The following SMYD3 variants were observed in gnomAD, a reference collection of about 807,000 sequenced individuals.
SMYD3 encodes the protein SET and MYND domain containing 3, also known as histone-lysine N-methyltransferase SMYD3.
A neutral mutation model predicts 57.7 loss-of-function variants in SMYD3; 36 were observed. The observed-to-expected ratio is 0.62, with a 90% CI of 0.48 to 0.82. The LOEUF (loss-of-function observed/expected upper bound fraction) is 0.82. Among genes scored for constraint, SMYD3 ranks in the 40% least tolerant of loss-of-function variants. The pLI, the probability that SMYD3 is intolerant of heterozygous loss-of-function variation, is 0.00. For missense variants in SMYD3, 515 were observed against 538.8 expected (o/e 0.96, Z 0.44); for synonymous variants, 211 against 195.0 (o/e 1.08, Z -0.68).
rs554802708 is a variant in SMYD3 at position 245,771,365 on chromosome 1, G to A, written c.1077-7216C>T. 1.1e-4 allele frequency among the ~76,000 whole-genome samples: 16 copies of A among 152,224 alleles called. No individual in the cohort carries two copies. The East Asian group carries it at 2.1e-3, about 20-fold the overall frequency. ...AAAGTTCATATTATTCTATTTTTGTGTACATTTGAAAATTTTCATAATCAG... is the reference window on the plus strand; with the variant it reads ...AAAGTTCATATTATTCTATTTTTGTATACATTTGAAAATTTTCATAATCAG... On this transcript the variant is annotated intron_variant, in intron 10 of 11. Transcript: ENST00000490107.
intron 1 of SMYD3, among the ~76,000 whole-genome samples, chr1:246,446,326 A>C (rs2067551510): frequency 6.6e-6 from 1 of 152,238 alleles, no homozygotes; most frequent in East Asian, 1.9e-4. Flanking sequence ...AAGTATTATC[A>C]TATTTGTCCT....
At chr1:246,235,709 T>C (rs561112520) in intron 5 of SMYD3, among the ~76,000 whole-genome samples, 2 of 152,308 alleles carry the variant, frequency 1.3e-5, no homozygotes, top group African/African-American at 4.8e-5. Context: ...AGCAAATTCC[T>C]AGCCTCTCCT....
At chr1:246,054,269 C>T (rs930150214) in intron 5 of SMYD3, among the ~76,000 whole-genome samples, 3 of 152,114 alleles carry the variant, frequency 2.0e-5, no homozygotes, top group African/African-American at 7.2e-5. Context: ...CTGACACTAC[C>T]AGGTCTTGGT....
chr1:246,316,365 T>G (rs1050019994), intron 5 of SMYD3, among the ~76,000 whole-genome samples: 11 of 150,546 alleles, frequency 7.3e-5, no homozygotes, highest in African/African-American at 2.7e-4. Context: ...TCATGGGTTT[T>G]TTTTTTTTTT....
At chr1:245,890,327 C>T (rs2053311646) in intron 8 of SMYD3, among the ~76,000 whole-genome samples, 1 of 152,058 alleles carries the variant, frequency 6.6e-6, no homozygotes, top group Admixed American at 6.6e-5. Context: ...CTGCAAACTA[C>T]CCATCTGACA....
intron 5 of SMYD3, among the ~76,000 whole-genome samples, chr1:246,119,821 G>C (rs1251082594): frequency 6.6e-6 from 1 of 152,128 alleles, no homozygotes; most frequent in Non-Finnish European, 1.5e-5. Context: ...TTTTTCTTAA[G>C]AATTCTATTC....
Position 245,993,627 on chromosome 1 carries a change from T to TAGAC in SMYD3, c.532-63691_532-63690insGTCT, listed in dbSNP as rs1291070222. Among the ~76,000 whole-genome samples, 588 of 106,900 alleles carry TAGAC rather than the reference T, an allele frequency of 5.5e-3. 5 individuals carry two copies. The highest frequency in any genetic ancestry group is 0.017 in the African/African-American group (444 of 26,142). The allele number at this position is 106,900 out of a possible 152,430, so 70.1% of individuals were successfully genotyped here. A position where few individuals can be genotyped will look rare whatever the true frequency, so the allele number is the denominator to read the frequency against. ...ATAGATAGATAGATAGATAGATAGA[T>TAGAC]AGATAGACAGACAGACAGACAGACA... On this transcript the variant is annotated intron_variant, in intron 5 of 11. Coordinates refer to ENST00000490107, the MANE Select transcript of SMYD3 (RefSeq NM_001167740.2).
At chr1:246,422,378 G>A (rs1001541025) in intron 1 of SMYD3, among the ~76,000 whole-genome samples, 2 of 151,790 alleles carry the variant, frequency 1.3e-5, no homozygotes, top group Non-Finnish European at 2.9e-5. Context: ...TAATCTCCTC[G>A]GGGTCAGCTG....
chr1:246,355,400 C>A lies in SMYD3; in HGVS notation c.165-306G>T. The A allele has an allele frequency of 3.4e-6, 1 of 295,418 alleles. No homozygotes were observed. The highest frequency in any genetic ancestry group is 8.3e-5 in the East Asian group (1 of 12,092). 18.3% of individuals were successfully genotyped at this position (295,418 alleles called of 1,614,324 possible). On this transcript the variant is annotated intron_variant, in intron 1 of 11. Coordinates refer to ENST00000490107, the MANE Select transcript of SMYD3 (RefSeq NM_001167740.2). The surrounding 1 kb of genome is among the most constrained non-coding windows in gnomAD (Gnocchi z 5.0). ...GGGACTCACACTGTGAACTTTTGAT[C>A]CAACAACTGCCACAGCAACATACCA... is the stretch of plus-strand genomic sequence containing the variant.
At chr1:245,765,773 C>T (rs1316200607) in intron 10 of SMYD3, among the ~76,000 whole-genome samples, 1 of 152,058 alleles carries the variant, frequency 6.6e-6, no homozygotes, top group Admixed American at 6.5e-5. Context: ...GGTGCCTGCC[C>T]ACAGACATCA....
chr1:245,950,274 C>T (rs1163860473), intron 5 of SMYD3, among the ~76,000 whole-genome samples: 1 of 152,158 alleles, frequency 6.6e-6, no homozygotes, highest in African/African-American at 2.4e-5. Context: ...TACCGACCCC[C>T]ACACTGCCCC....
intron 5 of SMYD3, among the ~76,000 whole-genome samples, chr1:246,092,824 A>G (rs1290363066): frequency 1.3e-5 from 2 of 152,180 alleles, no homozygotes; most frequent in Admixed American, 1.3e-4. Context: ...AAAGAGACAG[A>G]ATGGGAGAAG....
chr1:245,919,204 A>T (rs1016571989), intron 7 of SMYD3, among the ~76,000 whole-genome samples: 11 of 152,086 alleles, frequency 7.2e-5, no homozygotes, highest in African/African-American at 2.7e-4. Context: ...TGATCACGTC[A>T]TTTCTCTACA....
chr1:246,430,624 A>G (rs116351895), intron 1 of SMYD3, among the ~76,000 whole-genome samples: 3,405 of 152,316 alleles, frequency 0.022, 84 homozygotes, highest in African/African-American at 0.062. Context: ...CTTGTGGGAC[A>G]TCTAGGGAGT....
intron 10 of SMYD3, among the ~76,000 whole-genome samples, chr1:245,796,175 G>A (rs1339231423): frequency 6.6e-6 from 1 of 152,154 alleles, no homozygotes; most frequent in East Asian, 1.9e-4. Flanking sequence ...GGAAGTCTGA[G>A]TTTCTTTTCA....
intron 5 of SMYD3, among the ~76,000 whole-genome samples, chr1:245,962,383 G>C (rs1470982737): frequency 1.3e-5 from 2 of 152,172 alleles, no homozygotes; most frequent in African/African-American, 4.8e-5. Flanking sequence ...CAGAAGTGTA[G>C]TTTTGCGGAT....
chr1:245,951,441 C>T (rs1281952151), intron 5 of SMYD3, among the ~76,000 whole-genome samples: 8 of 137,646 alleles, frequency 5.8e-5, no homozygotes, highest in Non-Finnish European at 7.5e-5. Flanking sequence ...AGGTGGTGCA[C>T]GCCTGTAGTC....
chr1:245,908,223 A>G (rs2054714936), intron 8 of SMYD3, among the ~76,000 whole-genome samples: 1 of 151,554 alleles, frequency 6.6e-6, no homozygotes, highest in Admixed American at 6.6e-5. Context: ...ATCACACAAA[A>G]TAGACATTAA....
At chr1:246,145,924 G>C (rs890795312) in intron 5 of SMYD3, among the ~76,000 whole-genome samples, 2 of 152,188 alleles carry the variant, frequency 1.3e-5, no homozygotes, top group African/African-American at 4.8e-5. Flanking sequence ...GTAGAGGAAG[G>C]AATTTTATTC....
Sources: gnomAD v4.1 joint callset for allele counts (sites outside exome capture counted in the v4.1 genomes callset) on GRCh38, gnomAD v4.1.1 for gene constraint, Gnocchi (gnomAD v3.1) non-coding constraint, MANE v1.5 for transcripts, NCBI Gene and HGNC (gene_info 2026-07-23, HGNC 2026-07-21) for gene names.